CNBD1: variants seen among roughly 807,000 people sequenced by gnomAD.
CNBD1 encodes the protein cyclic nucleotide binding domain containing 1, also known as cyclic nucleotide-binding domain-containing protein 1.
A neutral mutation model predicts 54.4 loss-of-function variants in CNBD1; 71 were observed. That is an observed-to-expected ratio of 1.30 (90% CI 1.08 to 1.59). CNBD1 has a LOEUF of 1.59. CNBD1 is among the 40% of genes most tolerant of loss of function. CNBD1 has a pLI of 0.00. For synonymous variants in CNBD1, 182 were observed against 170.7 expected, an observed-to-expected ratio of 1.07 and a Z score of -0.51; for missense variants, 659 against 518.0, an observed-to-expected ratio of 1.27 and a Z score of -2.64.
At chr8:87,339,729 T>A (rs1810026885) in intron 8 of CNBD1, among the ~76,000 whole-genome samples, 1 of 152,170 alleles carries the variant, frequency 6.6e-6, no homozygotes. Context: ...ATAAAACACC[T>A]TATAGTTATA....
intron 4 of CNBD1, among the ~76,000 whole-genome samples, chr8:87,033,315 G>A (rs372232257): frequency 1.2e-4 from 19 of 152,178 alleles, no homozygotes; most frequent in African/African-American, 4.6e-4. Flanking sequence ...GACCACTTCA[G>A]TGCCTTTGGT....
chr8:86,923,556 T>G (rs1238013164), intron 3 of CNBD1, among the ~76,000 whole-genome samples: 1 of 152,112 alleles, frequency 6.6e-6, no homozygotes, highest in East Asian at 1.9e-4. Flanking sequence ...CAGCACAGAT[T>G]GGACTCAGAT....
intron 4 of CNBD1, among the ~76,000 whole-genome samples, chr8:87,006,872 A>G (rs1170632244): frequency 6.6e-6 from 1 of 152,194 alleles, no homozygotes; most frequent in Non-Finnish European, 1.5e-5. Context: ...TGACTTTCTT[A>G]TGTTAGTACG....
At chr8:86,917,149 A>G (rs1320762733) in intron 3 of CNBD1, among the ~76,000 whole-genome samples, 1 of 116,760 alleles carries the variant, frequency 8.6e-6, no homozygotes, top group Non-Finnish European at 2.0e-5. Context: ...CTCAAAAAAG[A>G]AAAAAAAAGA....
rs376908082 is a variant in CNBD1 at position 86,916,692 on chromosome 8, CATT to C, written c.272+11505_272+11507del. On this transcript the variant is annotated intron_variant, in intron 3 of 10. Coordinates refer to ENST00000518476, the MANE Select transcript of CNBD1 (RefSeq NM_173538.3). The stretch of plus-strand genomic sequence containing the variant: ...TGCCTTTCTCTGGTGCTGGCTGCAA[CATT>C]ATTATTTTATTTTTTATTTTTTTTT... Among the ~76,000 whole-genome samples, 194 of 151,812 alleles carry C rather than the reference CATT, an allele frequency of 1.3e-3. 1 individual carries two copies. Among genetic ancestry groups the C allele is most frequent in the African/African-American group, 4.5e-3 (185 of 41,414 alleles).
At chr8:86,988,033 C>G (rs1030845151) in intron 4 of CNBD1, among the ~76,000 whole-genome samples, 1 of 151,976 alleles carries the variant, frequency 6.6e-6, no homozygotes, top group Admixed American at 6.6e-5. Flanking sequence ...GAAGGAAACT[C>G]TCCTTCATTT....
chr8:87,344,986 T>C (rs78901734), intron 8 of CNBD1, among the ~76,000 whole-genome samples: 2,407 of 152,276 alleles, frequency 0.016, 69 homozygotes, highest in African/African-American at 0.052. Context: ...CTTCTCCTTT[T>C]GACACAAATA....
chr8:87,336,250 T>C (rs1242172236), intron 8 of CNBD1, among the ~76,000 whole-genome samples: 1 of 152,204 alleles, frequency 6.6e-6, no homozygotes, highest in African/African-American at 2.4e-5. Context: ...CTTGTCTTCC[T>C]AGGTTGGGGA....
At chr8:86,962,284 A>T (rs939210511) in intron 4 of CNBD1, among the ~76,000 whole-genome samples, 6 of 152,220 alleles carry the variant, frequency 3.9e-5, no homozygotes, top group East Asian at 1.9e-4. Context: ...GAGAAAAGAC[A>T]TACAGGCCTT....
intron 6 of CNBD1, among the ~76,000 whole-genome samples, chr8:87,246,634 C>T (rs1241793116): frequency 2.0e-5 from 3 of 152,058 alleles, no homozygotes; most frequent in Non-Finnish European, 2.9e-5. Context: ...CACAGAGGCT[C>T]CCCTGTCTTT....
intron 6 of CNBD1, among the ~76,000 whole-genome samples, chr8:87,257,611 A>G (rs928547764): frequency 6.6e-6 from 1 of 152,134 alleles, no homozygotes; most frequent in Non-Finnish European, 1.5e-5. Flanking sequence ...AGAAGCTTTA[A>G]GGACTCAGGA....
chr8:87,203,161 A>C (rs1229256349), intron 4 of CNBD1, among the ~76,000 whole-genome samples: 8 of 152,170 alleles, frequency 5.3e-5, no homozygotes, highest in Non-Finnish European at 4.4e-5. Flanking sequence ...AAGTATACTG[A>C]TATAATATAT....
At chr8:86,968,434 C>T (rs1383367147) in intron 4 of CNBD1, among the ~76,000 whole-genome samples, 1 of 152,126 alleles carries the variant, frequency 6.6e-6, no homozygotes, top group Non-Finnish European at 1.5e-5. Flanking sequence ...AATGTATTTT[C>T]TCTTTTAGAG....
chr8:87,055,132 G>C (rs1188738230), intron 4 of CNBD1, among the ~76,000 whole-genome samples: 2 of 152,178 alleles, frequency 1.3e-5, no homozygotes, highest in Admixed American at 1.3e-4. Context: ...GTGGTCTCAT[G>C]ACTAAGAAAA....
intron 1 of CNBD1, among the ~76,000 whole-genome samples, chr8:86,875,018 A>ATATATATATATG (rs1277730526): frequency 7.9e-5 from 11 of 139,118 alleles, no homozygotes; most frequent in African/African-American, 3.0e-4. Flanking sequence ...ATATATATAT[A>ATATATATATATG]TATGTATTAA....
chr8:87,054,658 G>A (rs961595345), intron 4 of CNBD1, among the ~76,000 whole-genome samples: 2 of 152,214 alleles, frequency 1.3e-5, no homozygotes, highest in African/African-American at 4.8e-5. Context: ...GAAAACTCTG[G>A]AAGTCCTGGT....
intron 4 of CNBD1, among the ~76,000 whole-genome samples, chr8:87,004,299 T>A (rs747483021): frequency 3.3e-5 from 5 of 151,968 alleles, no homozygotes; most frequent in Non-Finnish European, 7.4e-5. Flanking sequence ...AAGGCAGGAG[T>A]AAGATGCACT....
chr8:87,198,834 G>A (rs186039654), intron 4 of CNBD1, among the ~76,000 whole-genome samples: 17 of 152,266 alleles, frequency 1.1e-4, no homozygotes, highest in African/African-American at 4.1e-4. Flanking sequence ...AAATACCTGA[G>A]ACTGGATAAT....
intron 4 of CNBD1, among the ~76,000 whole-genome samples, chr8:86,941,407 T>A (rs775921089): frequency 6.6e-6 from 1 of 152,216 alleles, no homozygotes; most frequent in Non-Finnish European, 1.5e-5. Flanking sequence ...TAAACTCTAA[T>A]GTTGATTAAT....
Sources: allele counts gnomAD v4.1 joint callset (sites outside exome capture counted in the v4.1 genomes callset), GRCh38; gene constraint gnomAD v4.1.1; transcripts MANE v1.5; gene names NCBI Gene and HGNC (gene_info 2026-07-23, HGNC 2026-07-21).